The following DDI2 variants were observed in gnomAD, a reference collection of about 807,000 sequenced individuals.
DDI2 encodes the protein protein DDI1 homolog 2.
Under a neutral mutation model 48.1 loss-of-function variants are expected in DDI2, and 5 were observed. The observed-to-expected ratio is 0.10, with a 90% CI of 0.05 to 0.22. The LOEUF is 0.22. Ranked by LOEUF, DDI2 falls within the 10% of genes least tolerant of loss-of-function variation. The probability of loss-of-function intolerance (pLI) is 1.00; values close to 1 mark genes in which losing one functional copy is unlikely to be tolerated. For missense variants in DDI2, 285 were observed against 506.2 expected (o/e 0.56, Z 4.19); for synonymous variants, 205 against 183.6 (o/e 1.12, Z -0.94).
chr1:15,626,919 C>A, intron 2 of DDI2, 121 bp downstream of exon 2: 1 of 1,249,230 alleles, frequency 8.0e-7, no homozygotes, highest in Non-Finnish European at 1.1e-6. Context: ...CTGACTCTGC[C>A]TTTTCCCTGC....
At chr1:15,641,214 G>A (rs1455749590) in intron 5 of DDI2, among the ~76,000 whole-genome samples, 2 of 152,176 alleles carry the variant, frequency 1.3e-5, no homozygotes, top group Non-Finnish European at 2.9e-5. Flanking sequence ...GCTCAAACCT[G>A]TAATCCCAGC....
chr1:15,638,727 G>T (rs1316173637), intron 5 of DDI2, among the ~76,000 whole-genome samples: 1 of 151,928 alleles, frequency 6.6e-6, no homozygotes, highest in African/African-American at 2.4e-5. Context: ...TAGAGATGGG[G>T]TTTCACCGTG....
chr1:15,641,955 CAA>C (rs57716922), intron 5 of DDI2, among the ~76,000 whole-genome samples: 4,381 of 79,214 alleles, frequency 0.055, 135 homozygotes, highest in African/African-American at 0.16. Context: ...AATTCAGTCT[CAA>C]AAAAAAAAAA....
chr1:15,623,216 C>T (rs1639697065), intron 1 of DDI2, among the ~76,000 whole-genome samples: 1 of 152,008 alleles, frequency 6.6e-6, no homozygotes, highest in South Asian at 2.1e-4. Context: ...GTATTTTGAT[C>T]CTCTTAGTGG....
At chr1:15,640,070 TA>T (rs895492361) in intron 5 of DDI2, among the ~76,000 whole-genome samples, 2 of 150,980 alleles carry the variant, frequency 1.3e-5, no homozygotes, top group Non-Finnish European at 1.5e-5. Context: ...CCTGGGAGTT[TA>T]AAAAAAAACT....
rs200228515 is a variant in DDI2 at position 15,661,695 on chromosome 1, C to G, written c.*1905C>G. The G allele has an allele frequency of 6.2e-7, 1 of 1,608,498 alleles. No individual in the cohort carries two copies. On this transcript the variant is annotated 3_prime_UTR_variant, in exon 10 of 10. Coordinates refer to ENST00000480945, the MANE Select transcript of DDI2 (RefSeq NM_032341.5). ...CAGACCTTGCACTTCTTGTTTTGCT[C>G]GCAAAAAACATCGTAGTTCCTACAT...
chr1:15,664,511 G>T lies in DDI2; in HGVS notation c.*4721G>T, dbSNP rs1298908247. The T allele has an allele frequency of 6.6e-6, 1 of 152,010 alleles. No homozygotes were observed. The highest frequency in any genetic ancestry group is 1.5e-5 in the Non-Finnish European group (1 of 68,018). The allele number at this position is 152,010 out of a possible 1,614,324, so 9.4% of individuals were successfully genotyped here. A position where few individuals can be genotyped will look rare whatever the true frequency, so the allele number is the denominator to read the frequency against. On this transcript the variant is annotated 3_prime_UTR_variant, in exon 10 of 10. Transcript: ENST00000480945. Reference sequence around the variant, plus strand: ...ATTTAGCAGCTCTAGAATGCAAAGGGTATATTAAGGAGCATTACAATAGTG... The same window carrying T: ...ATTTAGCAGCTCTAGAATGCAAAGGTTATATTAAGGAGCATTACAATAGTG...
rs1022656110 is a variant in DDI2, at chr1:15,641,684, G to A, written c.761-1838G>A. 3.3e-5 allele frequency among the ~76,000 whole-genome samples: 5 copies of A among 152,110 alleles called. No individual in the cohort carries two copies. In the South Asian group the frequency reaches 6.2e-4, roughly 19 times the overall value. On this transcript the variant is annotated intron_variant, in intron 5 of 9. Transcript: ENST00000480945. ...AAGAAAGAGCATCAGGACAGGCACA[G>A]TGGCTCAAACCTGTAATCCCAGCAC...
intron 6 of DDI2, 48 bp from the exon 7 acceptor site, chr1:15,649,672 T>G: frequency 1.9e-6 from 3 of 1,574,472 alleles, no homozygotes; most frequent in Non-Finnish European, 2.6e-6. Context: ...ACTCCGTCTC[T>G]GTTTTGAAGT....
Position 15,660,330 on chromosome 1 carries a change from A to C in DDI2, c.*540A>C. ...TTCTAGGTGAAAAGGATTGGCATCC[A>C]GAAAATCAGAACCTGAGTCAAGTGA... On this transcript the variant is annotated 3_prime_UTR_variant, in exon 10 of 10. Transcript: ENST00000480945. 1 of 1,614,186 alleles carries C rather than the reference A, an allele frequency of 6.2e-7. No homozygotes were observed. The highest frequency in any genetic ancestry group is 8.5e-7 in the Non-Finnish European group (1 of 1,180,034).
chr1:15,618,852 C>T (rs1440000735), intron 1 of DDI2, among the ~76,000 whole-genome samples: 1 of 152,204 alleles, frequency 6.6e-6, no homozygotes, highest in Non-Finnish European at 1.5e-5. Context: ...TCTTGATTTT[C>T]TACTGCAGTT....
chr1:15,637,130 A>G (rs1639942196), intron 4 of DDI2, among the ~76,000 whole-genome samples: 1 of 152,228 alleles, frequency 6.6e-6, no homozygotes, highest in Non-Finnish European at 1.5e-5. Context: ...AAAAATTGGG[A>G]ATAAACATGA....
intron 1 of DDI2, among the ~76,000 whole-genome samples, chr1:15,624,133 A>T (rs16851876): frequency 0.31 from 47,549 of 152,128 alleles, 8,162 homozygotes; most frequent in African/African-American, 0.43. Context: ...ATATACTGAT[A>T]GTTGAATTTC....
chr1:15,641,445 C>G (rs1380161904), intron 5 of DDI2, among the ~76,000 whole-genome samples: 1 of 151,358 alleles, frequency 6.6e-6, no homozygotes, highest in Non-Finnish European at 1.5e-5. Context: ...GCACTCCAGC[C>G]TGGGCAACAG....
At chr1:15,634,267 G>C (rs923946294) in intron 4 of DDI2, 3 of 153,246 alleles carry the variant, frequency 2.0e-5, no homozygotes, top group Admixed American at 1.3e-4. Flanking sequence ...CACACTGATA[G>C]TCACAAGCAA....
In DDI2 at chr1:15,660,473, G is replaced by A; in HGVS notation, c.*683G>A. On this transcript the variant is annotated 3_prime_UTR_variant, in exon 10 of 10. Transcript: ENST00000480945. The stretch of plus-strand genomic sequence containing the variant: ...GGGGACCTTGAGCTTCCTGAAGAAA[G>A]GCAACAGAATCAACACAAAATTGTT... 6.2e-7 allele frequency: 1 copy of A among 1,613,992 alleles called. No individual in the cohort carries two copies. Among genetic ancestry groups the A allele is most frequent in the African/African-American group, 1.3e-5 (1 of 75,036 alleles).
In DDI2 at chr1:15,661,966, G is replaced by T. The variant is rs1487149340; in HGVS notation, c.*2176G>T. ...CTTTTTAAATGTATTGGCAGTATGT[G>T]CATACAGAAGCTTTTTATTCTCATT... On this transcript the variant is annotated 3_prime_UTR_variant, in exon 10 of 10. Transcript: ENST00000480945. The T allele has an allele frequency of 2.4e-6, 1 of 412,706 alleles. No individual in the cohort carries two copies. The highest frequency in any genetic ancestry group is 4.1e-5 in the East Asian group (1 of 24,556). 25.6% of individuals were successfully genotyped at this position (412,706 alleles called of 1,614,324 possible). A position where few individuals can be genotyped will look rare whatever the true frequency, so the allele number is the denominator to read the frequency against.
chr1:15,655,201 A>G (rs1640252945), intron 8 of DDI2, among the ~76,000 whole-genome samples: 1 of 152,210 alleles, frequency 6.6e-6, no homozygotes, highest in Non-Finnish European at 1.5e-5. Context: ...AGCTTGTGCT[A>G]ATTTTTGTAA....
intron 6 of DDI2, among the ~76,000 whole-genome samples, chr1:15,647,309 G>A (rs1050456144): frequency 4.7e-4 from 72 of 151,744 alleles, no homozygotes; most frequent in African/African-American, 1.7e-3. Context: ...TACCACACCC[G>A]GGTAATTTTT....
Sources: gnomAD v4.1 joint callset for allele counts (sites outside exome capture counted in the v4.1 genomes callset) on GRCh38, gnomAD v4.1.1 for gene constraint, MANE v1.5 for transcripts, NCBI Gene and HGNC (gene_info 2026-07-23, HGNC 2026-07-21) for gene names.